TLK1: variants seen among roughly 807,000 people sequenced by gnomAD.
TLK1 encodes tousled like kinase 1.
A neutral mutation model predicts 105.3 loss-of-function variants in TLK1; 24 were observed. The ratio of observed to expected loss-of-function variants is 0.23; its 90% CI spans 0.17 to 0.32. The LOEUF is 0.32. Ranked by LOEUF, TLK1 falls within the 10% of genes least tolerant of loss-of-function variation. The pLI is 1.00. For missense variants in TLK1, 558 were observed against 910.5 expected, an observed-to-expected ratio of 0.61 and a Z score of 4.98; for synonymous variants, 321 against 310.4, an observed-to-expected ratio of 1.03 and a Z score of -0.36.
chr2:171,055,965 C>T (rs137887596), intron 6 of TLK1, among the ~76,000 whole-genome samples: 300 of 151,962 alleles, frequency 2.0e-3, no homozygotes, highest in African/African-American at 6.8e-3. Flanking sequence ...CAAAACAATG[C>T]ATATAAAAGA....
At chr2:171,124,300 A>C (rs1411858770) in intron 1 of TLK1, among the ~76,000 whole-genome samples, 1 of 152,234 alleles carries the variant, frequency 6.6e-6, no homozygotes, top group Non-Finnish European at 1.5e-5. Context: ...AAATATAGAC[A>C]CTATTTTGCC....
chr2:171,195,916 T>C (rs1167294439), intron 1 of TLK1, among the ~76,000 whole-genome samples: 1 of 151,932 alleles, frequency 6.6e-6, no homozygotes, highest in Non-Finnish European at 1.5e-5. Flanking sequence ...TCCCAGCTAC[T>C]TGGGAGGCTG....
At chr2:171,116,644 G>A (rs1382972317) in intron 2 of TLK1, among the ~76,000 whole-genome samples, 2 of 150,812 alleles carry the variant, frequency 1.3e-5, no homozygotes, top group Non-Finnish European at 2.9e-5. Flanking sequence ...AGGTTGCAGT[G>A]AGCCAAGATC....
rs149329823 is a variant in TLK1, at chr2:171,000,365, C to T, written c.1905-2542G>A. On this transcript the variant is annotated intron_variant, in intron 18 of 20. Transcript: ENST00000431350. ...TTGCACTGCAGCCTGGGTGACAGAG[C>T]GAAACTCTGTCAAAAAAAAAAAAAA... is the stretch of plus-strand genomic sequence containing the variant. Among the ~76,000 whole-genome samples the T allele has an allele frequency of 4.9e-3, 531 of 108,734 alleles. 5 individuals carry two copies. Among genetic ancestry groups the T allele is most frequent in the African/African-American group, 0.016 (435 of 26,428 alleles). 71.3% of individuals were successfully genotyped at this position (108,734 alleles called of 152,430 possible).
intron 14 of TLK1, 77 bp from the exon 15 acceptor site, chr2:171,007,140 A>G (rs1402487564): frequency 8.0e-7 from 1 of 1,247,108 alleles, no homozygotes; most frequent in South Asian, 1.5e-5. Context: ...TTTTGGTGAT[A>G]ATTTTTGCAA....
At chr2:171,074,577 A>C (rs1688411837) in intron 3 of TLK1, among the ~76,000 whole-genome samples, 1 of 149,980 alleles carries the variant, frequency 6.7e-6, no homozygotes, top group Non-Finnish European at 1.5e-5. Context: ...CAGGGAGCAG[A>C]GATCGTGCCA....
At chr2:171,217,359 T>C (rs1291695368) in intron 1 of TLK1, among the ~76,000 whole-genome samples, 1 of 152,178 alleles carries the variant, frequency 6.6e-6, no homozygotes, top group Non-Finnish European at 1.5e-5. Context: ...GGAGGTATTA[T>C]TACTGAAGTT....
intron 19 of TLK1, 118 bp downstream of exon 19, chr2:170,997,594 C>T (rs1684126716): frequency 3.8e-6 from 2 of 520,728 alleles, no homozygotes; most frequent in African/African-American, 3.9e-5. Flanking sequence ...GAGGAGAAGC[C>T]TGGCTTTCTT....
intron 1 of TLK1, among the ~76,000 whole-genome samples, chr2:171,159,378 C>T (rs1022363104): frequency 6.6e-6 from 1 of 152,208 alleles, no homozygotes; most frequent in Non-Finnish European, 1.5e-5. Context: ...ATGTTGTATA[C>T]TTAGATACAG....
At chr2:171,152,399 T>C (rs1342428422) in intron 1 of TLK1, among the ~76,000 whole-genome samples, 2 of 152,202 alleles carry the variant, frequency 1.3e-5, no homozygotes, top group East Asian at 3.8e-4. Context: ...ACCTACCACC[T>C]GGATCTGCTC....
chr2:171,104,642 G>A (rs1421699689), intron 2 of TLK1, among the ~76,000 whole-genome samples: 5 of 152,040 alleles, frequency 3.3e-5, no homozygotes, highest in Non-Finnish European at 1.5e-5. Flanking sequence ...TCACACTACT[G>A]GACTTCAAAA....
intron 2 of TLK1, among the ~76,000 whole-genome samples, chr2:171,088,956 C>T (rs1484586543): frequency 1.3e-5 from 2 of 152,220 alleles, no homozygotes; most frequent in Admixed American, 1.3e-4. Flanking sequence ...ATGATCTTGG[C>T]TCACTGCAAA....
intron 1 of TLK1, among the ~76,000 whole-genome samples, chr2:171,222,001 C>G (rs891397933): frequency 2.0e-5 from 3 of 152,230 alleles, no homozygotes; most frequent in African/African-American, 7.2e-5. Context: ...CAACATTTCC[C>G]AGGCCTCTTA....
rs953878785 is a variant in TLK1, at chr2:171,160,695, G to C, written c.-267C>G. The C allele has an allele frequency of 2.0e-5, 10 of 501,476 alleles. No homozygotes were observed. Among genetic ancestry groups the C allele is most frequent in the African/African-American group, 1.6e-4 (8 of 49,292 alleles). The allele number at this position is 501,476 out of a possible 1,614,324, so 31.1% of individuals were successfully genotyped here. On this transcript the variant is annotated 5_prime_UTR_variant, in exon 1 of 21. Coordinates refer to ENST00000431350, the MANE Select transcript of TLK1 (RefSeq NM_012290.5). This position sits in a 1 kb window ranked among gnomAD's most constrained non-coding sequence, Gnocchi z 4.4. Reference sequence around the variant, plus strand: ...GCGCCAGAGGAGAGGAGGAGGAAAGGAGCGCGGCGGCGGAGGCGTCGAGGG... The same window carrying C: ...GCGCCAGAGGAGAGGAGGAGGAAAGCAGCGCGGCGGCGGAGGCGTCGAGGG...
chr2:171,168,654 C>G (rs1348061410), intron 1 of TLK1, among the ~76,000 whole-genome samples: 1 of 152,132 alleles, frequency 6.6e-6, no homozygotes, highest in Non-Finnish European at 1.5e-5. Context: ...CTAAAACAGA[C>G]TTTAGCTATA....
chr2:171,003,260 C>A (rs1355845281), intron 18 of TLK1, among the ~76,000 whole-genome samples: 1 of 104,104 alleles, frequency 9.6e-6, no homozygotes, highest in Admixed American at 1.4e-4. Context: ...GGCGACAGAG[C>A]AAGACTCCGT....
intron 2 of TLK1, among the ~76,000 whole-genome samples, chr2:171,108,717 A>G (rs1690040041): frequency 6.6e-6 from 1 of 151,732 alleles, no homozygotes; most frequent in Non-Finnish European, 1.5e-5. Flanking sequence ...AATCCTCCCA[A>G]CTCAGCCTCC....
chr2:171,139,041 C>T (rs1691460984), intron 1 of TLK1, among the ~76,000 whole-genome samples: 1 of 152,134 alleles, frequency 6.6e-6, no homozygotes, highest in African/African-American at 2.4e-5. Context: ...TATTAAACTA[C>T]TGCTCAAAGG....
intron 12 of TLK1, among the ~76,000 whole-genome samples, chr2:171,020,024 C>T (rs995967749): frequency 6.7e-6 from 1 of 149,718 alleles, no homozygotes; most frequent in Admixed American, 6.7e-5. Flanking sequence ...CACTACTGCA[C>T]TCTAGCCAGC....
Sources: allele counts gnomAD v4.1 joint callset (sites outside exome capture counted in the v4.1 genomes callset), GRCh38; gene constraint gnomAD v4.1.1; non-coding constraint Gnocchi (gnomAD v3.1); transcripts MANE v1.5; gene names NCBI Gene and HGNC (gene_info 2026-07-23, HGNC 2026-07-21).